Variants in AGPAT2 observed in about 807,000 individuals in gnomAD.
AGPAT2 encodes the protein 1-acyl-sn-glycerol-3-phosphate acyltransferase beta.
A neutral mutation model predicts 26.1 loss-of-function variants in AGPAT2; 18 were observed. That is an observed-to-expected ratio of 0.69 (90% CI 0.48 to 1.02). The LOEUF (loss-of-function observed/expected upper bound fraction) is 1.02. Ranked by LOEUF, AGPAT2 falls within the 50% of genes least tolerant of loss-of-function variation. The probability of loss-of-function intolerance (pLI) is 0.00; values close to 1 mark genes in which losing one functional copy is unlikely to be tolerated. For synonymous variants in AGPAT2, 200 were observed against 174.2 expected, an observed-to-expected ratio of 1.15 and a Z score of -1.16; for missense variants, 415 against 394.9, an observed-to-expected ratio of 1.05 and a Z score of -0.43.
chr9:136,676,580 C>T lies in AGPAT2; in HGVS notation c.588+5G>A. On this transcript the variant is annotated splice_donor_5th_base_variant and intron_variant, in intron 4 of 5. Coordinates refer to ENST00000371696, the MANE Select transcript of AGPAT2 (RefSeq NM_006412.4). ...CCCACCCAGGGAGGGCTGGGCTCAG[C>T]CTACCTGTGCCTGGACTGCCAGGTA... 1 of 1,611,898 alleles carries T rather than the reference C, an allele frequency of 6.2e-7. No individual in the cohort carries two copies. The highest frequency in any genetic ancestry group is 8.5e-7 in the Non-Finnish European group (1 of 1,179,074).
rs548769516 is a variant in AGPAT2, at chr9:136,687,190, C to G, written c.168G>C (p.Thr56=). 2 of 1,587,818 alleles carry G rather than the reference C, an allele frequency of 1.3e-6. No individual in the cohort carries two copies. The highest frequency in any genetic ancestry group is 1.4e-5 in the African/African-American group (1 of 72,552). The change falls in exon 1 of 6, where the codon ACG becomes ACC. Residue 56 remains threonine (T), a synonymous_variant. Coordinates refer to ENST00000371696, the MANE Select transcript of AGPAT2 (RefSeq NM_006412.4). ...LVCLLRHGGR[T]VENMSIIGWF... ...CCCGGCCTTGCCTCATGTTCTCCAC[C>G]GTCCGGCCGCCGTGGCGCAGCAGGC...
intron 1 of AGPAT2, 27 bp from the exon 2 acceptor site, chr9:136,677,583 G>C: frequency 6.2e-7 from 1 of 1,612,738 alleles, no homozygotes; most frequent in Non-Finnish European, 8.5e-7. Flanking sequence ...CATGAACACG[G>C]GTCCCACAGA....
Position 136,676,697 on chromosome 9 carries a change from G to T in AGPAT2, c.493-17C>A, listed in dbSNP as rs376439157. ...CACTTTGAGCTGCAGGGAGAGGAGA[G>T]CCTGGACTGACCTCACGCCCAGGCC... On this transcript the variant is annotated splice_polypyrimidine_tract_variant and intron_variant, in intron 3 of 5. Transcript: ENST00000371696. 779 of 1,610,610 alleles carry T rather than the reference G, an allele frequency of 4.8e-4. 3 individuals are homozygous for T. In the African/African-American group the frequency reaches 9.3e-3, roughly 19 times the overall value.
At chr9:136,686,847 C>T (rs1846227393) in intron 1 of AGPAT2, among the ~76,000 whole-genome samples, 1 of 152,238 alleles carries the variant, frequency 6.6e-6, no homozygotes, top group Non-Finnish European at 1.5e-5. Flanking sequence ...CGGACCGGCC[C>T]CCTTTCTCTC....
chr9:136,678,927 A>G (rs1846126582), intron 1 of AGPAT2, among the ~76,000 whole-genome samples: 1 of 151,892 alleles, frequency 6.6e-6, no homozygotes, highest in African/African-American at 2.4e-5. Flanking sequence ...TAGTTTTTGT[A>G]TTTTTGGTAC....
chr9:136,687,365 C>A lies in AGPAT2; in HGVS notation c.-8G>T. The A allele has an allele frequency of 6.8e-7, 1 of 1,462,976 alleles. No homozygotes were observed. Among genetic ancestry groups the A allele is most frequent in the Non-Finnish European group, 9.0e-7 (1 of 1,114,950 alleles). The allele number at this position is 1,462,976 out of a possible 1,614,324, so 90.6% of individuals were successfully genotyped here. On this transcript the variant is annotated 5_prime_UTR_variant, in exon 1 of 6. Coordinates refer to ENST00000371696, the MANE Select transcript of AGPAT2 (RefSeq NM_006412.4). ...ACACGGCCACAGCTCCATGGCCCGG[C>A]CCGGCGCCCGACGGCGCCGCCAGCT...
In AGPAT2 at chr9:136,673,369, C is replaced by T. The variant is rs1030140126; in HGVS notation, c.*383G>A. On this transcript the variant is annotated 3_prime_UTR_variant, in exon 6 of 6. Coordinates refer to ENST00000371696, the MANE Select transcript of AGPAT2 (RefSeq NM_006412.4). The stretch of plus-strand genomic sequence containing the variant: ...CAGCTGCACCCTGGTGGGTCCCAGG[C>T]GGCTGAGCAGAGGGCTCGGACAGTG... The T allele has an allele frequency of 4.2e-5, 7 of 168,198 alleles. No homozygotes were observed. The highest frequency in any genetic ancestry group is 7.6e-5 in the Non-Finnish European group (6 of 79,162). 10.4% of individuals were successfully genotyped at this position (168,198 alleles called of 1,614,324 possible). A position where few individuals can be genotyped will look rare whatever the true frequency, so the allele number is the denominator to read the frequency against.
chr9:136,683,702 G>A (rs1340436270), intron 1 of AGPAT2, among the ~76,000 whole-genome samples: 1 of 152,186 alleles, frequency 6.6e-6, no homozygotes, highest in Non-Finnish European at 1.5e-5. Context: ...AGGAGGTGGG[G>A]CCAGAGAAGC....
rs1017780766 is a variant in AGPAT2 at position 136,686,546 on chromosome 9, C to T, written c.182+630G>A. Among the ~76,000 whole-genome samples, 6 of 152,274 alleles carry T rather than the reference C, an allele frequency of 3.9e-5. No individual in the cohort carries two copies. The East Asian group carries it at 1.2e-3, about 29-fold the overall frequency. On this transcript the variant is annotated intron_variant, in intron 1 of 5. Transcript: ENST00000371696. Reference sequence around the variant, plus strand: ...CGAACCCTAGTCCTAACTCTTCCTTCCCTTCGCTTGGAAGCTGGGCCCCCG... The same window carrying T: ...CGAACCCTAGTCCTAACTCTTCCTTTCCTTCGCTTGGAAGCTGGGCCCCCG...
Position 136,677,329 on chromosome 9 carries a change from C to T in AGPAT2, c.316+94G>A, listed in dbSNP as rs1435689034. ...GCCGAGCTCGCCCAGGCACAGGCAGCCCTGTGTCCTCGTCCCCGGGACCCA... is the reference window on the plus strand; with the variant it reads ...GCCGAGCTCGCCCAGGCACAGGCAGTCCTGTGTCCTCGTCCCCGGGACCCA... On this transcript the variant is annotated intron_variant, in intron 2 of 5. Coordinates refer to ENST00000371696, the MANE Select transcript of AGPAT2 (RefSeq NM_006412.4). The T allele has an allele frequency of 1.6e-5, 26 of 1,586,072 alleles. No homozygotes were observed. In the South Asian group the frequency reaches 2.4e-4, roughly 14 times the overall value.
chr9:136,686,525 C>T (rs1846223057), intron 1 of AGPAT2, among the ~76,000 whole-genome samples: 1 of 152,266 alleles, frequency 6.6e-6, no homozygotes, highest in Admixed American at 6.5e-5. Flanking sequence ...CCCCGCCGAA[C>T]CCTAGTCCTA....
intron 3 of AGPAT2, 27 bp downstream of exon 3, chr9:136,676,934 C>A: frequency 6.2e-7 from 1 of 1,610,518 alleles, no homozygotes; most frequent in South Asian, 1.1e-5. Context: ...CACCCCAACC[C>A]CACCGAGCCC....
rs1255368053 is a variant in AGPAT2, at chr9:136,673,852, T to TCCACGAGCGCAGG, written c.724_736dup (p.Asp246AlafsTer235). On this transcript the variant is annotated frameshift_variant, in exon 6 of 6. Coordinates refer to ENST00000371696, the MANE Select transcript of AGPAT2 (RefSeq NM_006412.4). LOFTEE classifies it low-confidence loss of function (END_TRUNC). ...GGTCCTCATGGCCCGGTGGCAGGTG[T>TCCACGAGCGCAGG]CCACGAGCGCAGGGACGTCCGCCGC... The TCCACGAGCGCAGG allele has an allele frequency of 6.2e-7, 1 of 1,605,742 alleles. No homozygotes were observed.
intron 1 of AGPAT2, among the ~76,000 whole-genome samples, chr9:136,678,167 C>T (rs991131177): frequency 3.3e-5 from 5 of 152,180 alleles, no homozygotes; most frequent in African/African-American, 9.7e-5. Context: ...GAAGAGGCGG[C>T]GAGGGGCTCG....
intron 3 of AGPAT2, 75 bp from the exon 4 acceptor site, chr9:136,676,755 A>G (rs1846095223): frequency 6.9e-7 from 1 of 1,450,758 alleles, no homozygotes; most frequent in African/African-American, 1.4e-5. Flanking sequence ...TCGCCTCCTA[A>G]GAAGCCCCAC....
chr9:136,676,446 C>T, intron 4 of AGPAT2, 139 bp downstream of exon 4: 1 of 679,860 alleles, frequency 1.5e-6, no homozygotes, highest in South Asian at 1.6e-5. Context: ...GGCAAGGAGG[C>T]CCTGTCCCCA....
Position 136,676,955 on chromosome 9 carries a change from A to G in AGPAT2, c.492+6T>C, listed in dbSNP as rs1390670766. The G allele has an allele frequency of 1.4e-6, 2 of 1,395,362 alleles. No homozygotes were observed. The highest frequency in any genetic ancestry group is 1.6e-5 in the African/African-American group (1 of 64,148). 86.4% of individuals were successfully genotyped at this position (1,395,362 alleles called of 1,614,324 possible). A position where few individuals can be genotyped will look rare whatever the true frequency, so the allele number is the denominator to read the frequency against. On this transcript the variant is annotated splice_donor_region_variant and intron_variant, in intron 3 of 5. Transcript: ENST00000371696. Reference sequence around the variant, plus strand: ...AACCCCACCGAGCCCGGCCCTGCACACTCACGTTCTCCCTGACCATGCGCT... The same window carrying G: ...AACCCCACCGAGCCCGGCCCTGCACGCTCACGTTCTCCCTGACCATGCGCT...
Position 136,687,286 on chromosome 9 carries a change from G to C in AGPAT2, c.72C>G (p.Ala24=). Residue 24 remains alanine (A), a synonymous_variant, in exon 1 of 6, where the codon GCC becomes GCG. Transcript: ENST00000371696. The part of the protein sequence containing the change: ...LLLLVQLSRA[A]EFYAKVALYC... The stretch of plus-strand genomic sequence containing the variant: ...ACAGGGCGACCTTGGCGTAGAACTC[G>C]GCCGCGCGGCTCAGCTGCACCAGCA... The C allele has an allele frequency of 6.3e-7, 1 of 1,585,056 alleles. No individual in the cohort carries two copies. Among genetic ancestry groups the C allele is most frequent in the Non-Finnish European group, 8.5e-7 (1 of 1,170,232 alleles).
At chr9:136,676,904 G>GC in intron 3 of AGPAT2, 57 bp downstream of exon 3, 1 of 1,563,118 alleles carries the variant, frequency 6.4e-7, no homozygotes, top group African/African-American at 1.4e-5. Flanking sequence ...GCTGGCCCCT[G>GC]CCTGGCCCCG....
Sources: gnomAD v4.1 joint callset for allele counts (sites outside exome capture counted in the v4.1 genomes callset) on GRCh38, gnomAD v4.1.1 for gene constraint, MANE v1.5 for transcripts, NCBI Gene and HGNC (gene_info 2026-07-23, HGNC 2026-07-21) for gene names.